The following SCG3 variants were observed in gnomAD, a reference collection of about 807,000 sequenced individuals.
SCG3 encodes the protein secretogranin-3.
Under a neutral mutation model 56.2 loss-of-function variants are expected in SCG3, and 38 were observed. That is an observed-to-expected ratio of 0.68 (90% CI 0.52 to 0.89). The LOEUF (loss-of-function observed/expected upper bound fraction) is 0.89. Ranked by LOEUF, SCG3 falls within the 40% of genes least tolerant of loss-of-function variation. The pLI is 0.00. For missense variants in SCG3, 524 were observed against 540.7 expected, an observed-to-expected ratio of 0.97 and a Z score of 0.31; for synonymous variants, 176 against 184.2, an observed-to-expected ratio of 0.96 and a Z score of 0.36.
intron 4 of SCG3, among the ~76,000 whole-genome samples, chr15:51,683,798 A>T (rs2055211247): frequency 1.3e-5 from 2 of 152,186 alleles, no homozygotes; most frequent in African/African-American, 4.8e-5. Flanking sequence ...CTGCACAAAA[A>T]AGGTGAAATA....
intron 10 of SCG3, among the ~76,000 whole-genome samples, chr15:51,701,649 C>T (rs139281963): frequency 1.1e-4 from 16 of 152,238 alleles, no homozygotes; most frequent in African/African-American, 2.9e-4. Context: ...TTTGGTCAGG[C>T]GCAGTGGCTC....
Position 51,719,760 on chromosome 15 carries a change from TAG to T in SCG3, c.*236_*237del. 1 of 492,184 alleles carries T rather than the reference TAG, an allele frequency of 2.0e-6. No homozygotes were observed. Among genetic ancestry groups the T allele is most frequent in the Non-Finnish European group, 3.6e-6 (1 of 278,322 alleles). The allele number at this position is 492,184 out of a possible 1,614,324, so 30.5% of individuals were successfully genotyped here. On this transcript the variant is annotated 3_prime_UTR_variant, in exon 12 of 12. Transcript: ENST00000220478. The stretch of plus-strand genomic sequence containing the variant: ...TGTATACAGAATCCTTATTTCCTCA[TAG>T]ACTTATATTTTATAATCAGAATATG...
chr15:51,708,744 G>A (rs1026049184), intron 10 of SCG3, among the ~76,000 whole-genome samples: 1 of 151,952 alleles, frequency 6.6e-6, no homozygotes, highest in African/African-American at 2.4e-5. Context: ...AGTAGTCCCA[G>A]CTACTCCGGA....
At chr15:51,714,708 T>C (rs1452730386) in intron 11 of SCG3, among the ~76,000 whole-genome samples, 1 of 152,194 alleles carries the variant, frequency 6.6e-6, no homozygotes, top group East Asian at 1.9e-4. Flanking sequence ...TGCAGCCAAG[T>C]TTGCAAACCG....
At position 51,719,721 on chromosome 15, in the gene SCG3, G is replaced by GTA. The variant is rs1292156577; in HGVS notation, c.*196_*197dup. 1 of 553,656 alleles carries GTA rather than the reference G, an allele frequency of 1.8e-6. No individual in the cohort carries two copies. The allele number at this position is 553,656 out of a possible 1,614,324, so 34.3% of individuals were successfully genotyped here. ...AAACTATCTGAAAGTAAAGTTGTAT[G>GTA]TAAGCTGAGATTTTGTATACAGAAT... On this transcript the variant is annotated 3_prime_UTR_variant, in exon 12 of 12. Coordinates refer to ENST00000220478, the MANE Select transcript of SCG3 (RefSeq NM_013243.4).
rs1389507549 is a variant in SCG3 at position 51,719,487 on chromosome 15, A to G, written c.1368A>G (p.Glu456=). 6.2e-7 allele frequency: 1 copy of G among 1,614,032 alleles called. No homozygotes were observed. The highest frequency in any genetic ancestry group is 2.2e-5 in the East Asian group (1 of 44,898). Residue 456 remains glutamate, a synonymous_variant, in exon 12 of 12, where the codon GAA becomes GAG. Coordinates refer to ENST00000220478, the MANE Select transcript of SCG3 (RefSeq NM_013243.4). ...AYVEKGILDK[E]EAEAIKRIYS... ...TGGAGAAAGGCATCCTTGACAAGGAAGAAGCCGAGGCCATCAAGCGCATTT... is the reference window on the plus strand; with the variant it reads ...TGGAGAAAGGCATCCTTGACAAGGAGGAAGCCGAGGCCATCAAGCGCATTT...
chr15:51,690,222 T>C (rs2055257951), intron 6 of SCG3, among the ~76,000 whole-genome samples: 1 of 152,190 alleles, frequency 6.6e-6, no homozygotes, highest in African/African-American at 2.4e-5. Flanking sequence ...TTTAGATGCC[T>C]ATTTACCCAG....
intron 11 of SCG3, among the ~76,000 whole-genome samples, chr15:51,718,886 A>G (rs569241415): frequency 6.6e-6 from 1 of 152,200 alleles, no homozygotes; most frequent in South Asian, 2.1e-4. Context: ...ACTTAAACCT[A>G]GTATAAGTCA....
intron 8 of SCG3, among the ~76,000 whole-genome samples, chr15:51,698,695 T>C (rs982756553): frequency 6.6e-6 from 1 of 152,212 alleles, no homozygotes; most frequent in Non-Finnish European, 1.5e-5. Flanking sequence ...CTCTGACTTT[T>C]TGTGTCTTGA....
chr15:51,692,392 T>A, intron 7 of SCG3, 56 bp downstream of exon 7: 2 of 1,466,298 alleles, frequency 1.4e-6, no homozygotes, highest in Non-Finnish European at 1.9e-6. Flanking sequence ...CCAGGAAATG[T>A]ATGGGTGTGT....
At chr15:51,714,507 A>C (rs919431635) in intron 11 of SCG3, among the ~76,000 whole-genome samples, 1 of 152,228 alleles carries the variant, frequency 6.6e-6, no homozygotes, top group African/African-American at 2.4e-5. Context: ...GTATCTGGCC[A>C]GAGCAGTTGC....
rs564379277 is a variant in SCG3, at chr15:51,717,362, C to T, written c.1289-2046C>T. On this transcript the variant is annotated intron_variant, in intron 11 of 11. Coordinates refer to ENST00000220478, the MANE Select transcript of SCG3 (RefSeq NM_013243.4). ...CAGCCTGGGCAACGGTGCAAGACTC[C>T]GTCTCAAAAAAAAAAAAAAAATTAG... 9.6e-5 allele frequency among the ~76,000 whole-genome samples: 14 copies of T among 146,506 alleles called. No homozygotes were observed. In the South Asian group the frequency reaches 2.0e-3, roughly 20 times the overall value.
At position 51,689,368 on chromosome 15, in the gene SCG3, GGTAT is replaced by G; in HGVS notation, c.690+7_690+10del. ...AGGCTGGAAAAATACCAGAGAAAGT[GGTAT>G]GTATGTGTATATATGCATATGCATG... On this transcript the variant is annotated splice_donor_variant and splice_donor_region_variant and intron_variant, in intron 6 of 11. Transcript: ENST00000220478. LOFTEE classifies it high-confidence loss of function. 6.2e-7 allele frequency: 1 copy of G among 1,610,038 alleles called. No homozygotes were observed. Among genetic ancestry groups the G allele is most frequent in the Non-Finnish European group, 8.5e-7 (1 of 1,178,278 alleles).
chr15:51,701,740 T>C (rs766440504), intron 10 of SCG3, among the ~76,000 whole-genome samples: 11 of 152,146 alleles, frequency 7.2e-5, no homozygotes, highest in African/African-American at 2.7e-4. Flanking sequence ...ACCTCATTTC[T>C]ACAAAAAATG....
At position 51,719,972 on chromosome 15, in the gene SCG3, C is replaced by T. The variant is rs1429956885; in HGVS notation, c.*446C>T. 2.6e-5 allele frequency: 4 copies of T among 153,102 alleles called. No individual in the cohort carries two copies. Among genetic ancestry groups the T allele is most frequent in the African/African-American group, 9.6e-5 (4 of 41,466 alleles). 9.5% of individuals were successfully genotyped at this position (153,102 alleles called of 1,614,324 possible). A position where few individuals can be genotyped will look rare whatever the true frequency, so the allele number is the denominator to read the frequency against. On this transcript the variant is annotated 3_prime_UTR_variant, in exon 12 of 12. Transcript: ENST00000220478. ...TCCACCAGCAGTTCCCTTAGGGGAG[C>T]TGAAATAAATTCACATTTTCTCAAA...
intron 5 of SCG3, 56 bp downstream of exon 5, chr15:51,688,458 A>G: frequency 1.3e-6 from 2 of 1,544,092 alleles, no homozygotes; most frequent in Non-Finnish European, 8.8e-7. Context: ...GAGTATGCCA[A>G]GAAGCCAAGT....
Position 51,681,513 on chromosome 15 carries a change from C to G in SCG3, c.-243C>G. 1.8e-6 allele frequency: 1 copy of G among 543,362 alleles called. No individual in the cohort carries two copies. 33.7% of individuals were successfully genotyped at this position (543,362 alleles called of 1,614,324 possible). A position where few individuals can be genotyped will look rare whatever the true frequency, so the allele number is the denominator to read the frequency against. On this transcript the variant is annotated 5_prime_UTR_variant, in exon 1 of 12. Transcript: ENST00000220478. ...CGCAGTCTCCGCGTCACAGGAACTT[C>G]AGCACCCACAGGGCGGACAGCGCTC...
chr15:51,711,597 TCTAA>T (rs1398925903), intron 10 of SCG3, among the ~76,000 whole-genome samples: 1 of 152,240 alleles, frequency 6.6e-6, no homozygotes, highest in Non-Finnish European at 1.5e-5. Flanking sequence ...AAATACCTTA[TCTAA>T]CTGAATTAAT....
chr15:51,703,510 G>C (rs1245830641), intron 10 of SCG3, among the ~76,000 whole-genome samples: 4 of 152,142 alleles, frequency 2.6e-5, no homozygotes, highest in African/African-American at 9.7e-5. Flanking sequence ...TGGGCAGTGG[G>C]AGCTCCCTAA....
Sources: allele counts gnomAD v4.1 joint callset (sites outside exome capture counted in the v4.1 genomes callset), GRCh38; gene constraint gnomAD v4.1.1; transcripts MANE v1.5; gene names NCBI Gene and HGNC (gene_info 2026-07-23, HGNC 2026-07-21).